The following CFAP73 variants were observed in gnomAD, a reference collection of about 807,000 sequenced individuals.
The protein encoded by CFAP73 is cilia- and flagella-associated protein 73.
A neutral mutation model predicts 42.9 loss-of-function variants in CFAP73; 33 were observed. The observed-to-expected ratio is 0.77, with a 90% confidence interval of 0.58 to 1.03. CFAP73 has a LOEUF of 1.03. Among genes scored for constraint, CFAP73 ranks in the 50% least tolerant of loss-of-function variants. CFAP73 has a pLI of 0.00. For synonymous variants in CFAP73, 162 were observed against 186.8 expected (o/e 0.87, Z 1.08); for missense variants, 392 against 411.9 (o/e 0.95, Z 0.42).
intron 7 of CFAP73, 140 bp downstream of exon 7, chr12:113,157,830 G>A (rs1340988721): frequency 8.9e-6 from 6 of 673,480 alleles, no homozygotes; most frequent in Non-Finnish European, 1.3e-5. Context: ...TCAGAGTGCT[G>A]TGGGCCTGCC....
At chr12:113,157,995 T>C in intron 7 of CFAP73, 1 of 398,440 alleles carries the variant, frequency 2.5e-6, no homozygotes. Context: ...AAACTCTTTG[T>C]CAGGTCTCAG....
In CFAP73 at chr12:113,155,303, C is replaced by T; in HGVS notation, c.734C>T (p.Thr245Ile). Residue 245 changes from threonine (T) to isoleucine (I), a missense_variant, in exon 6 of 8, where the codon ACT becomes ATT. Thr to Ile is a moderately conservative substitution (Grantham distance 89). Transcript: ENST00000335621. ...ATTCAGAACACAGCAGCGGAGAAGA[C>T]TCTGCTCCTGGGACGCAGCAGGATG... ...IQIQNTAAEK[T>I]LLLGRSRMAV... 1 of 1,550,464 alleles carries T rather than the reference C, an allele frequency of 6.4e-7. No individual in the cohort carries two copies.
rs897052500 is a variant in CFAP73, at chr12:113,154,456, G to C, written c.511G>C (p.Ala171Pro). The C allele has an allele frequency of 1.3e-6, 2 of 1,546,618 alleles. No homozygotes were observed. Among genetic ancestry groups the C allele is most frequent in the African/African-American group, 2.8e-5 (2 of 72,270 alleles). The change falls in exon 5 of 8, where the codon GCC (alanine) becomes CCC (proline). Residue 171 changes from alanine (A) to proline (P), a missense_variant. By Grantham distance (27) the Ala-to-Pro change is conservative (BLOSUM62 -1). Transcript: ENST00000335621. This position sits in a 1 kb window ranked among gnomAD's most constrained non-coding sequence, Gnocchi z 4.7. Reference sequence around the variant, plus strand: ...GCTGGTGGCGCGCTTCGACGGCCTGGCCGAGACGCAGGCGGCGCTGAGGCT... The same window carrying C: ...GCTGGTGGCGCGCTTCGACGGCCTGCCCGAGACGCAGGCGGCGCTGAGGCT... ...PELVARFDGL[A>P]ETQAALRLRE...
intron 2 of CFAP73, among the ~76,000 whole-genome samples, chr12:113,152,374 G>A (rs1347728946): frequency 6.6e-6 from 1 of 152,222 alleles, no homozygotes; most frequent in East Asian, 1.9e-4. Context: ...CATGGGGGTG[G>A]TCAAGGAGGG....
At chr12:113,152,576 G>T (rs944866079) in intron 2 of CFAP73, among the ~76,000 whole-genome samples, 3 of 152,220 alleles carry the variant, frequency 2.0e-5, no homozygotes, top group Non-Finnish European at 4.4e-5. Context: ...GTAAGATGAG[G>T]CCTGAAGGAA....
At chr12:113,150,025 G>GACAATAACCCCCACTAT in intron 1 of CFAP73, 112 bp downstream of exon 1, 6 of 1,012,866 alleles carry the variant, frequency 5.9e-6, no homozygotes, top group Non-Finnish European at 7.5e-6. Flanking sequence ...TCATAGTGGG[G>GACAATAACCCCCACTAT]GTTATTGTCC....
intron 3 of CFAP73, 106 bp from the exon 4 acceptor site, chr12:113,153,102 G>A: frequency 7.9e-7 from 1 of 1,258,464 alleles, no homozygotes; most frequent in Non-Finnish European, 1.1e-6. Flanking sequence ...CAGGCCTGCT[G>A]GCCGCCCCTG....
At chr12:113,155,775 G>A (rs1191816157) in intron 6 of CFAP73, among the ~76,000 whole-genome samples, 1 of 152,136 alleles carries the variant, frequency 6.6e-6, no homozygotes, top group Non-Finnish European at 1.5e-5. Flanking sequence ...GCCCACACGT[G>A]TCAACACCTG....
chr12:113,149,921 G>T lies in CFAP73; in HGVS notation c.56+8G>T, dbSNP rs1378124654. ...GCAAGAGAAACTGTCTACGTGAGTG[G>T]GACGTAGAGGGAGGGAGGGCTAGAA... On this transcript the variant is annotated splice_region_variant and intron_variant, in intron 1 of 7. Transcript: ENST00000335621. The T allele has an allele frequency of 6.4e-7, 1 of 1,551,124 alleles. No individual in the cohort carries two copies. Among genetic ancestry groups the T allele is most frequent in the Non-Finnish European group, 8.7e-7 (1 of 1,146,530 alleles).
At chr12:113,156,275 T>C (rs1207367333) in intron 6 of CFAP73, among the ~76,000 whole-genome samples, 1 of 152,016 alleles carries the variant, frequency 6.6e-6, no homozygotes, top group Non-Finnish European at 1.5e-5. Context: ...CTTTTGTTTC[T>C]AGTGGGTATA....
At chr12:113,151,786 C>T (rs938705374) in intron 1 of CFAP73, 132 bp from the exon 2 acceptor site, 4 of 571,958 alleles carry the variant, frequency 7.0e-6, no homozygotes, top group Non-Finnish European at 1.2e-5. Flanking sequence ...GACCCAAAAA[C>T]AAGTCTCAAA....
In CFAP73 at chr12:113,158,301, A is replaced by C. The variant is rs1229154635; in HGVS notation, c.*12-400A>C. On this transcript the variant is annotated intron_variant, in intron 7 of 7. Coordinates refer to ENST00000335621, the MANE Select transcript of CFAP73 (RefSeq NM_001144872.3). This position sits in a 1 kb window ranked among gnomAD's most constrained non-coding sequence, Gnocchi z 4.9. ...CCCAGCTGCAACCATGTCCAGTGGG[A>C]GGAAGGGGGACCAACTCCCGCCTCT... is the stretch of plus-strand genomic sequence containing the variant. 1 of 153,126 alleles carries C rather than the reference A, an allele frequency of 6.5e-6. No homozygotes were observed. Among genetic ancestry groups the C allele is most frequent in the Non-Finnish European group, 1.5e-5 (1 of 68,746 alleles). The allele number at this position is 153,126 out of a possible 1,614,324, so 9.5% of individuals were successfully genotyped here.
In CFAP73 at chr12:113,154,662, C is replaced by G. The variant is rs1273857482; in HGVS notation, c.690+27C>G. 1.4e-6 allele frequency: 2 copies of G among 1,381,950 alleles called. No homozygotes were observed. Among genetic ancestry groups the G allele is most frequent in the African/African-American group, 3.1e-5 (2 of 65,136 alleles). 85.6% of individuals were successfully genotyped at this position (1,381,950 alleles called of 1,614,324 possible). A position where few individuals can be genotyped will look rare whatever the true frequency, so the allele number is the denominator to read the frequency against. On this transcript the variant is annotated intron_variant, in intron 5 of 7. Transcript: ENST00000335621. This position sits in a 1 kb window ranked among gnomAD's most constrained non-coding sequence, Gnocchi z 4.7. Reference sequence around the variant, plus strand: ...TACGACCCGCCCTAGGTGGGGGGCGCTCCGGACCCCAGGCTTCCACAGCCG... The same window carrying G: ...TACGACCCGCCCTAGGTGGGGGGCGGTCCGGACCCCAGGCTTCCACAGCCG...
chr12:113,154,357 T>C lies in CFAP73; in HGVS notation c.469-57T>C. The C allele has an allele frequency of 6.5e-7, 1 of 1,529,348 alleles. No individual in the cohort carries two copies. The highest frequency in any genetic ancestry group is 8.8e-7 in the Non-Finnish European group (1 of 1,131,640). 94.7% of individuals were successfully genotyped at this position (1,529,348 alleles called of 1,614,324 possible). ...AAGGAACGCTGGCGGCCAGGTGGGATGGAGAGGGTAAGGCACTGCAGGCCC... is the reference window on the plus strand; with the variant it reads ...AAGGAACGCTGGCGGCCAGGTGGGACGGAGAGGGTAAGGCACTGCAGGCCC... On this transcript the variant is annotated intron_variant, in intron 4 of 7. Transcript: ENST00000335621. This position sits in a 1 kb window ranked among gnomAD's most constrained non-coding sequence, Gnocchi z 4.7.
At position 113,154,567 on chromosome 12, in the gene CFAP73, G is replaced by A. The variant is rs1566088512; in HGVS notation, c.622G>A (p.Ala208Thr). 4.1e-6 allele frequency: 6 copies of A among 1,453,328 alleles called. No individual in the cohort carries two copies. Among genetic ancestry groups the A allele is most frequent in the Non-Finnish European group, 5.4e-6 (6 of 1,113,940 alleles). The allele number at this position is 1,453,328 out of a possible 1,614,324, so 90.0% of individuals were successfully genotyped here. The change falls in exon 5 of 8, where the codon GCA becomes ACA. Residue 208 changes from alanine (A) to threonine (T), a missense_variant. By Grantham distance (58) the Ala-to-Thr change is moderately conservative. Transcript: ENST00000335621. This position sits in a 1 kb window ranked among gnomAD's most constrained non-coding sequence, Gnocchi z 4.7. ...LRDAWPDEVLAQGQRRAQLQE... is the reference protein window; with the variant it reads ...LRDAWPDEVLTQGQRRAQLQE... ...GGACGCCTGGCCGGACGAGGTGCTC[G>A]CACAGGGCCAGCGGCGGGCACAGCT... is the stretch of plus-strand genomic sequence containing the variant.
chr12:113,158,750 G>T lies in CFAP73; in HGVS notation c.*61G>T. 1 of 1,070,754 alleles carries T rather than the reference G, an allele frequency of 9.3e-7. No homozygotes were observed. The highest frequency in any genetic ancestry group is 1.3e-6 in the Non-Finnish European group (1 of 758,436). 66.3% of individuals were successfully genotyped at this position (1,070,754 alleles called of 1,614,324 possible). On this transcript the variant is annotated 3_prime_UTR_variant, in exon 8 of 8. Coordinates refer to ENST00000335621, the MANE Select transcript of CFAP73 (RefSeq NM_001144872.3). The surrounding 1 kb of genome is among the most constrained non-coding windows in gnomAD (Gnocchi z 4.9). ...TGGCCATACAGTGCTCCTTTTCACA[G>T]ATGATGGCTCCTGCAGGGAGTGCCC...
At chr12:113,149,961 C>T (rs1472655266) in intron 1 of CFAP73, 48 bp downstream of exon 1, 3 of 1,526,536 alleles carry the variant, frequency 2.0e-6, no homozygotes, top group African/African-American at 1.4e-5. Context: ...GGCGGGAATG[C>T]GTGGGCTGGC....
chr12:113,157,455 A>C, intron 6 of CFAP73, 147 bp from the exon 7 acceptor site: 1 of 668,534 alleles, frequency 1.5e-6, no homozygotes, highest in Non-Finnish European at 2.6e-6. Flanking sequence ...CTCAGTCACC[A>C]CCTCTGGGAA....
Position 113,149,987 on chromosome 12 carries a change from C to T in CFAP73, c.56+74C>T, listed in dbSNP as rs1300966612. ...GTGGGCTGGCCCATCCTTTCTTCCT[C>T]ACCTCCTGGGTCCTGGCTTTGGGCA... On this transcript the variant is annotated intron_variant, in intron 1 of 7. Coordinates refer to ENST00000335621, the MANE Select transcript of CFAP73 (RefSeq NM_001144872.3). The T allele has an allele frequency of 2.1e-6, 3 of 1,434,268 alleles. No homozygotes were observed. In the African/African-American group the frequency reaches 4.2e-5, roughly 20 times the overall value. The allele number at this position is 1,434,268 out of a possible 1,614,324, so 88.8% of individuals were successfully genotyped here.
Sources: allele counts gnomAD v4.1 joint callset (sites outside exome capture counted in the v4.1 genomes callset), GRCh38; gene constraint gnomAD v4.1.1; non-coding constraint Gnocchi (gnomAD v3.1); transcripts MANE v1.5; gene names NCBI Gene and HGNC (gene_info 2026-07-23, HGNC 2026-07-21).